PTPRD: variants seen among roughly 807,000 people sequenced by gnomAD.
PTPRD encodes protein tyrosine phosphatase receptor type D, also known as receptor-type tyrosine-protein phosphatase delta.
PTPRD carries 34 observed loss-of-function variants against 214.5 expected under a neutral mutation model. That is an observed-to-expected ratio of 0.16 (90% CI 0.12 to 0.21). The LOEUF is 0.21. Ranked by LOEUF, PTPRD falls within the 10% of genes least tolerant of loss-of-function variation. The pLI, the probability that PTPRD is intolerant of heterozygous loss-of-function variation, is 1.00. For synonymous variants in PTPRD, 1,128 were observed against 845.7 expected, an observed-to-expected ratio of 1.33 and a Z score of -5.79; for missense variants, 2,545 against 2,398.7, an observed-to-expected ratio of 1.06 and a Z score of -1.27.
At chr9:8,736,862 A>C (rs1323334717) in intron 11 of PTPRD, among the ~76,000 whole-genome samples, 1 of 152,152 alleles carries the variant, frequency 6.6e-6, no homozygotes, top group Non-Finnish European at 1.5e-5. Context: ...AGATGTTAAA[A>C]ATCTCAAAAG....
chr9:10,387,087 G>A (rs913902661), intron 2 of PTPRD, among the ~76,000 whole-genome samples: 7 of 151,704 alleles, frequency 4.6e-5, no homozygotes, highest in South Asian at 2.1e-4. Flanking sequence ...AAGATTGTTC[G>A]CAAGAATCTC....
intron 10 of PTPRD, among the ~76,000 whole-genome samples, chr9:9,134,217 T>G (rs10977512): frequency 6.8e-6 from 1 of 147,922 alleles, no homozygotes; most frequent in Non-Finnish European, 1.5e-5. Flanking sequence ...GGACTACAGG[T>G]GCCCGCCACC....
chr9:9,914,090 C>A lies in PTPRD; in HGVS notation c.-368+24417G>T, dbSNP rs79113706. On this transcript the variant is annotated intron_variant, in intron 5 of 45. Transcript: ENST00000381196. Reference sequence around the variant, plus strand: ...CTAGCCAGATAAATAATCTTACAGTCCTGCCTTGGGCAAACCCACCCTTGA... The same window carrying A: ...CTAGCCAGATAAATAATCTTACAGTACTGCCTTGGGCAAACCCACCCTTGA... 2.1e-3 allele frequency among the ~76,000 whole-genome samples: 327 copies of A among 152,306 alleles called. 1 individual carries two copies. Among genetic ancestry groups the A allele is most frequent in the African/African-American group, 7.2e-3 (298 of 41,572 alleles).
intron 9 of PTPRD, among the ~76,000 whole-genome samples, chr9:9,212,525 C>T (rs2099949438): frequency 6.6e-6 from 1 of 152,022 alleles, no homozygotes. Context: ...CATTGAGCAG[C>T]CAAGAAAATT....
intron 35 of PTPRD, 36 bp from the exon 36 acceptor site, chr9:8,404,696 A>G: frequency 6.3e-7 from 1 of 1,576,340 alleles, no homozygotes; most frequent in Non-Finnish European, 8.7e-7. Context: ...CACAAAATCA[A>G]TACTGAAAAC....
intron 11 of PTPRD, among the ~76,000 whole-genome samples, chr9:8,779,686 G>A (rs1264839348): frequency 6.6e-6 from 1 of 152,132 alleles, no homozygotes. Context: ...AATCAGCACG[G>A]TAAACAAGCT....
intron 10 of PTPRD, among the ~76,000 whole-genome samples, chr9:9,100,824 A>C (rs190983469): frequency 1.3e-5 from 2 of 152,278 alleles, no homozygotes. Flanking sequence ...ACCTAATTTT[A>C]AGGAGTTCCT....
chr9:8,536,307 T>C (rs780853293), intron 14 of PTPRD, among the ~76,000 whole-genome samples: 1 of 152,020 alleles, frequency 6.6e-6, no homozygotes, highest in Non-Finnish European at 1.5e-5. Flanking sequence ...CCTTTACTTT[T>C]ATTTTTTAAA....
At chr9:8,401,467 A>G (rs999651175) in intron 36 of PTPRD, among the ~76,000 whole-genome samples, 1 of 152,206 alleles carries the variant, frequency 6.6e-6, no homozygotes, top group South Asian at 2.1e-4. Flanking sequence ...CAAAAATTCA[A>G]TTCTGTTTCC....
chr9:8,432,974 T>C (rs542808923), intron 35 of PTPRD, among the ~76,000 whole-genome samples: 1 of 152,356 alleles, frequency 6.6e-6, no homozygotes, highest in Non-Finnish European at 1.5e-5. Context: ...AATGGCTAAA[T>C]GAGGATCATT....
chr9:8,706,066 A>G (rs575352221), intron 12 of PTPRD, among the ~76,000 whole-genome samples: 2 of 152,340 alleles, frequency 1.3e-5, no homozygotes, highest in African/African-American at 4.8e-5. Context: ...ATTCTCCCAA[A>G]GAACTGCCAG....
intron 3 of PTPRD, among the ~76,000 whole-genome samples, chr9:10,183,168 G>A (rs2099310530): frequency 6.6e-6 from 1 of 152,058 alleles, no homozygotes; most frequent in Admixed American, 6.6e-5. Flanking sequence ...TAAAGGAAGT[G>A]TTTGCCATTT....
chr9:10,498,151 C>A (rs551853470), intron 2 of PTPRD, among the ~76,000 whole-genome samples: 1 of 152,026 alleles, frequency 6.6e-6, no homozygotes, highest in African/African-American at 2.4e-5. Context: ...CTTTAGGATA[C>A]TGTTTGTAAT....
chr9:10,564,784 C>G (rs890054902), intron 2 of PTPRD, among the ~76,000 whole-genome samples: 1 of 152,096 alleles, frequency 6.6e-6, no homozygotes, highest in Non-Finnish European at 1.5e-5. Flanking sequence ...TTTGAAACAC[C>G]TAGAATAGTT....
At chr9:9,334,958 T>A (rs1317917914) in intron 9 of PTPRD, among the ~76,000 whole-genome samples, 2 of 151,960 alleles carry the variant, frequency 1.3e-5, no homozygotes, top group Non-Finnish European at 2.9e-5. Context: ...GTAGAGTAAT[T>A]GGAAATGTGA....
chr9:9,666,967 T>C (rs2096735139), intron 7 of PTPRD, among the ~76,000 whole-genome samples: 1 of 152,060 alleles, frequency 6.6e-6, no homozygotes, highest in African/African-American at 2.4e-5. Flanking sequence ...TTTTGTAACA[T>C]TATTAAAAAT....
At chr9:8,342,301 C>T (rs906053155) in intron 39 of PTPRD, among the ~76,000 whole-genome samples, 1 of 151,980 alleles carries the variant, frequency 6.6e-6, no homozygotes, top group African/African-American at 2.4e-5. Flanking sequence ...GAAAAAAATA[C>T]AAACATTTAG....
intron 7 of PTPRD, among the ~76,000 whole-genome samples, chr9:9,688,865 G>GT (rs961915958): frequency 3.3e-5 from 5 of 150,612 alleles, no homozygotes; most frequent in African/African-American, 7.3e-5. Context: ...GGGGGTACTT[G>GT]TTTTTTTTTA....
chr9:9,469,594 C>A (rs887883133), intron 8 of PTPRD, among the ~76,000 whole-genome samples: 1 of 152,102 alleles, frequency 6.6e-6, no homozygotes, highest in Non-Finnish European at 1.5e-5. Context: ...GATGAAAAGG[C>A]CTATTGAGTG....
Sources: allele counts gnomAD v4.1 joint callset (sites outside exome capture counted in the v4.1 genomes callset), GRCh38; gene constraint gnomAD v4.1.1; transcripts MANE v1.5; gene names NCBI Gene and HGNC (gene_info 2026-07-23, HGNC 2026-07-21).